GTPBP1: variants seen among roughly 807,000 people sequenced by gnomAD.
GTPBP1 encodes GTP-binding protein 1.
GTPBP1 carries 23 observed loss-of-function variants against 62.0 expected under a neutral mutation model. The ratio of observed to expected loss-of-function variants is 0.37; its 90% confidence interval spans 0.27 to 0.53. The LOEUF (loss-of-function observed/expected upper bound fraction) is 0.53. GTPBP1 is among the 20% of genes least tolerant of loss of function. The probability of loss-of-function intolerance (pLI) is 0.89; values close to 1 mark genes in which losing one functional copy is unlikely to be tolerated. For missense variants in GTPBP1, 640 were observed against 917.3 expected, an observed-to-expected ratio of 0.70 and a Z score of 3.90; for synonymous variants, 344 against 364.4, an observed-to-expected ratio of 0.94 and a Z score of 0.64.
At chr22:38,725,137 T>A (rs1207716553) in intron 6 of GTPBP1, 3 of 152,298 alleles carry the variant, frequency 2.0e-5, no homozygotes, top group Non-Finnish European at 4.4e-5. Context: ...TTCAGTACCA[T>A]CAGTTAGCCT....
At chr22:38,720,105 T>G (rs2092692020) in intron 4 of GTPBP1, among the ~76,000 whole-genome samples, 2 of 151,904 alleles carry the variant, frequency 1.3e-5, no homozygotes, top group African/African-American at 4.8e-5. Flanking sequence ...ATTTTTTGTA[T>G]TTTTAGTAGA....
Position 38,729,663 on chromosome 22 carries a change from G to T in GTPBP1, c.1917+1G>T, listed in dbSNP as rs1170479842. 2 of 1,487,676 alleles carry T rather than the reference G, an allele frequency of 1.3e-6. No homozygotes were observed. The highest frequency in any genetic ancestry group is 1.8e-6 in the Non-Finnish European group (2 of 1,119,436). The allele number at this position is 1,487,676 out of a possible 1,614,324, so 92.2% of individuals were successfully genotyped here. On this transcript the variant is annotated splice_donor_variant, in intron 11 of 11. Coordinates refer to ENST00000216044, the MANE Select transcript of GTPBP1 (RefSeq NM_004286.5). LOFTEE classifies it high-confidence loss of function. ...TGCGTCCAGCAATCTCCAGCCTCAGGTGAGCACGGGCCCCTCGCAGCTTCG... is the reference window on the plus strand; with the variant it reads ...TGCGTCCAGCAATCTCCAGCCTCAGTTGAGCACGGGCCCCTCGCAGCTTCG...
intron 2 of GTPBP1, among the ~76,000 whole-genome samples, chr22:38,710,976 A>G (rs1469838757): frequency 6.6e-6 from 1 of 152,164 alleles, no homozygotes. Context: ...CCCAAGCATC[A>G]TCCTCGAATC....
chr22:38,729,375 G>A lies in GTPBP1; in HGVS notation c.1717-87G>A, dbSNP rs536771165. The A allele has an allele frequency of 2.4e-5, 23 of 960,652 alleles. No individual in the cohort carries two copies. In the Admixed American group the frequency reaches 6.7e-4, roughly 28 times the overall value. 59.5% of individuals were successfully genotyped at this position (960,652 alleles called of 1,614,324 possible). On this transcript the variant is annotated intron_variant, in intron 10 of 11. Transcript: ENST00000216044. ...AAGATCAAGGAATGAGGAGTCTGTG[G>A]GAGAAGGGGGCTGAGGGTGGGGGGT... is the stretch of plus-strand genomic sequence containing the variant.
At chr22:38,742,729 G>T (rs1375777313), downstream of GTPBP1, 3 of 733,258 alleles carry the variant, frequency 4.1e-6, no homozygotes, top group Non-Finnish European at 4.3e-6. Context: ...CGACCTCTGA[G>T]CTGGGTGTGC....
At chr22:38,718,258 T>C (rs1416536237) in intron 4 of GTPBP1, among the ~76,000 whole-genome samples, 1 of 152,120 alleles carries the variant, frequency 6.6e-6, no homozygotes, top group Non-Finnish European at 1.5e-5. Context: ...TGGGTTGATA[T>C]TAAGAAGGGT....
At chr22:38,738,920 C>G, downstream of GTPBP1, 1 of 1,612,232 alleles carries the variant, frequency 6.2e-7, no homozygotes, top group East Asian at 2.2e-5. This position sits in a 1 kb window ranked among gnomAD's most constrained non-coding sequence, Gnocchi z 6.6. Flanking sequence ...AGGGGGATGC[C>G]GAAGAGGCTG....
rs772964222 is a variant in GTPBP1 at position 38,716,282 on chromosome 22, A to G, written c.485+195A>G. On this transcript the variant is annotated intron_variant, in intron 3 of 11. Coordinates refer to ENST00000216044, the MANE Select transcript of GTPBP1 (RefSeq NM_004286.5). The surrounding 1 kb of genome is among the most constrained non-coding windows in gnomAD (Gnocchi z 5.2). ...CTTTGGGAAGAGCACGAGAGAGGCC[A>G]GCCGTGCATTCTGTGGCCATTCTCT... 8.3e-6 allele frequency: 5 copies of G among 601,600 alleles called. No individual in the cohort carries two copies. Among genetic ancestry groups the G allele is most frequent in the African/African-American group, 1.9e-5 (1 of 53,788 alleles). The allele number at this position is 601,600 out of a possible 1,614,324, so 37.3% of individuals were successfully genotyped here. A position where few individuals can be genotyped will look rare whatever the true frequency, so the allele number is the denominator to read the frequency against.
intron 4 of GTPBP1, 120 bp downstream of exon 4, chr22:38,717,120 G>A (rs370736132): frequency 2.0e-4 from 131 of 647,706 alleles, no homozygotes; most frequent in East Asian, 1.4e-3. Context: ...GACATCGGGT[G>A]AGGCTGGCGA....
At chr22:38,710,052 G>A (rs978680803) in intron 2 of GTPBP1, among the ~76,000 whole-genome samples, 1 of 152,310 alleles carries the variant, frequency 6.6e-6, no homozygotes. Flanking sequence ...GGTTGTTAAC[G>A]ATTATGAATT....
At chr22:38,717,395 A>G (rs905413380) in intron 4 of GTPBP1, among the ~76,000 whole-genome samples, 3 of 152,148 alleles carry the variant, frequency 2.0e-5, no homozygotes, top group African/African-American at 7.2e-5. Context: ...GGCCTGGGGA[A>G]GAAACGGAGA....
downstream of GTPBP1, chr22:38,739,499 C>A: frequency 2.6e-6 from 4 of 1,545,936 alleles, no homozygotes; most frequent in Non-Finnish European, 3.5e-6. This position sits in a 1 kb window ranked among gnomAD's most constrained non-coding sequence, Gnocchi z 6.7. Flanking sequence ...TGGCCGTGGG[C>A]CAAGGACCCA....
chr22:38,722,597 G>C (rs1047024426), intron 5 of GTPBP1: 4 of 1,091,334 alleles, frequency 3.7e-6, no homozygotes, highest in Non-Finnish European at 5.1e-6. Flanking sequence ...TGTTTAAAAG[G>C]CCTTAGCCAT....
downstream of GTPBP1, chr22:38,738,476 A>G (rs1371784116): frequency 4.2e-6 from 6 of 1,441,266 alleles, no homozygotes; most frequent in African/African-American, 1.4e-5. This position sits in a 1 kb window ranked among gnomAD's most constrained non-coding sequence, Gnocchi z 6.6. Context: ...CCTCTTCCAA[A>G]TCCACTCCCC....
At position 38,726,317 on chromosome 22, in the gene GTPBP1, G is replaced by A. The variant is rs767584699; in HGVS notation, c.1278G>A (p.Thr426=). 4.0e-5 allele frequency: 64 copies of A among 1,613,930 alleles called. No individual in the cohort carries two copies. The highest frequency in any genetic ancestry group is 3.7e-5 in the Non-Finnish European group (44 of 1,179,998). The change falls in exon 8 of 12, where the codon ACG becomes ACA. Residue 426 remains threonine (T), a synonymous_variant. Coordinates refer to ENST00000216044, the MANE Select transcript of GTPBP1 (RefSeq NM_004286.5). This position sits in a 1 kb window ranked among gnomAD's most constrained non-coding sequence, Gnocchi z 4.1. The part of the protein sequence containing the change: ...TLRGLIKLND[T]LLLGPDPLGN... The stretch of plus-strand genomic sequence containing the variant: ...GAGGCCTGATCAAGCTGAATGACAC[G>A]CTGCTGCTGGGCCCAGACCCCTTGG...
downstream of GTPBP1, chr22:38,740,791 T>TGCCCCCCGCCCTCAGG (rs2092849991): frequency 3.3e-6 from 2 of 606,304 alleles, no homozygotes; most frequent in Non-Finnish European, 5.8e-6. This position sits in a 1 kb window ranked among gnomAD's most constrained non-coding sequence, Gnocchi z 4.8. Context: ...TCACACAGCC[T>TGCCCCCCGCCCTCAGG]GCCCCCCGCC....
chr22:38,738,847 C>A (rs780699204), downstream of GTPBP1: 1 of 1,595,414 alleles, frequency 6.3e-7, no homozygotes, highest in South Asian at 1.1e-5. The surrounding 1 kb of genome is among the most constrained non-coding windows in gnomAD (Gnocchi z 6.6). Flanking sequence ...TCAGAGCCCC[C>A]GCTGCTGTGC....
Position 38,727,054 on chromosome 22 carries a change from C to T in GTPBP1, c.1402-159C>T, listed in dbSNP as rs1002692985. Among the ~76,000 whole-genome samples, 22 of 152,066 alleles carry T rather than the reference C, an allele frequency of 1.4e-4. 1 individual carries two copies. The highest frequency in any genetic ancestry group is 4.1e-4 in the African/African-American group (17 of 41,388). On this transcript the variant is annotated intron_variant, in intron 8 of 11. Coordinates refer to ENST00000216044, the MANE Select transcript of GTPBP1 (RefSeq NM_004286.5). This position sits in a 1 kb window ranked among gnomAD's most constrained non-coding sequence, Gnocchi z 6.5. ...CTTCCCATGGAGCACTGAGGGTGCT[C>T]GTGCTGTCCACCCTAGAAGGCCTGT...
At chr22:38,735,832 C>G (rs1200012601), downstream of GTPBP1, 4 of 169,152 alleles carry the variant, frequency 2.4e-5, no homozygotes, top group African/African-American at 9.6e-5. Flanking sequence ...CACCCTCCTC[C>G]CAGAGGGCCT....
Sources: gnomAD v4.1 joint callset for allele counts (sites outside exome capture counted in the v4.1 genomes callset) on GRCh38, gnomAD v4.1.1 for gene constraint, Gnocchi (gnomAD v3.1) non-coding constraint, MANE v1.5 for transcripts, NCBI Gene and HGNC (gene_info 2026-07-23, HGNC 2026-07-21) for gene names.